BAZ1A: variants seen among roughly 807,000 people sequenced by gnomAD.
BAZ1A encodes the protein bromodomain adjacent to zinc finger domain protein 1A.
In BAZ1A, 50 loss-of-function variants were observed where a neutral mutation model predicts 185.2. That is an observed-to-expected ratio of 0.27 (90% CI 0.22 to 0.34). The LOEUF is 0.34. Among genes scored for constraint, BAZ1A ranks in the 10% least tolerant of loss-of-function variants. The probability of loss-of-function intolerance (pLI) is 1.00; values close to 1 mark genes in which losing one functional copy is unlikely to be tolerated. For synonymous variants in BAZ1A, 571 were observed against 615.6 expected, an observed-to-expected ratio of 0.93 and a Z score of 1.07; for missense variants, 1,356 against 1,839.9, an observed-to-expected ratio of 0.74 and a Z score of 4.81.
At chr14:34,817,230 A>ACCC (rs775899899) in intron 4 of BAZ1A, among the ~76,000 whole-genome samples, 2 of 147,600 alleles carry the variant, frequency 1.4e-5, no homozygotes, top group Non-Finnish European at 3.0e-5. Flanking sequence ...AAATCAATAC[A>ACCC]CCCCCCCCCA....
chr14:34,848,292 TG>T (rs2042545725), intron 3 of BAZ1A, among the ~76,000 whole-genome samples: 4 of 152,196 alleles, frequency 2.6e-5, no homozygotes, highest in African/African-American at 9.7e-5. Flanking sequence ...ATGCCTAAAT[TG>T]ATATCAGCTT....
At chr14:34,842,110 A>G (rs2042424031) in intron 3 of BAZ1A, among the ~76,000 whole-genome samples, 1 of 152,156 alleles carries the variant, frequency 6.6e-6, no homozygotes, top group Non-Finnish European at 1.5e-5. Context: ...CCCAATGCCT[A>G]CAACAGCAGC....
At chr14:34,844,777 G>GCGCACACACA (rs1429071176) in intron 3 of BAZ1A, among the ~76,000 whole-genome samples, 1 of 86,804 alleles carries the variant, frequency 1.2e-5, no homozygotes, top group Non-Finnish European at 2.9e-5. Flanking sequence ...ACACACACGC[G>GCGCACACACA]CACACACACA....
intron 25 of BAZ1A, among the ~76,000 whole-genome samples, chr14:34,757,629 C>T (rs945715568): frequency 2.6e-5 from 4 of 152,034 alleles, no homozygotes; most frequent in Non-Finnish European, 5.9e-5. Flanking sequence ...CACGCCACTG[C>T]ACTCCAGCCG....
chr14:34,793,652 C>CA (rs906145072), intron 11 of BAZ1A, among the ~76,000 whole-genome samples: 5 of 151,790 alleles, frequency 3.3e-5, no homozygotes, highest in South Asian at 2.1e-4. Flanking sequence ...ACTAAAAATA[C>CA]AAAAAAATTG....
chr14:34,845,360 T>C (rs2042493821), intron 3 of BAZ1A: 1 of 151,726 alleles, frequency 6.6e-6, no homozygotes, highest in African/African-American at 2.4e-5. Flanking sequence ...CTGTAACGCT[T>C]CTCTCCTTTA....
rs1362416165 is a variant in BAZ1A, at chr14:34,800,376, T to C, written c.976A>G (p.Lys326Glu). The stretch of plus-strand genomic sequence containing the variant: ...GCATCTGCTTTTTCTCTTTTTAATT[T>C]AGCCTTTTCAAAAGCTGTGAAGAAA... ...EMKSLAFEKA[K>E]LKREKADALE... The change falls in exon 9 of 27, where the codon AAA (lysine) becomes GAA (glutamate). Residue 326 changes from lysine (K) to glutamate (E), a missense_variant. By Grantham distance (56) the Lys-to-Glu change is moderately conservative. Around this residue, in one of 7 missense-constraint regions of BAZ1A, gnomAD observed 332 missense variants for 395.3 expected, o/e 0.84. Coordinates refer to ENST00000360310, the MANE Select transcript of BAZ1A (RefSeq NM_013448.3). 4.5e-6 allele frequency: 7 copies of C among 1,546,166 alleles called. No homozygotes were observed. The highest frequency in any genetic ancestry group is 6.1e-6 in the Non-Finnish European group (7 of 1,154,648).
chr14:34,784,740 G>C (rs959391890), intron 14 of BAZ1A, among the ~76,000 whole-genome samples: 2 of 151,804 alleles, frequency 1.3e-5, no homozygotes, highest in African/African-American at 4.8e-5. Context: ...GGGTGGTCTC[G>C]ATCTCCTGAC....
At chr14:34,837,440 T>C (rs2042348140) in intron 3 of BAZ1A, among the ~76,000 whole-genome samples, 1 of 151,048 alleles carries the variant, frequency 6.6e-6, no homozygotes, top group East Asian at 1.9e-4. Flanking sequence ...GTTTTTGCCA[T>C]GTTGCTTGGG....
Position 34,874,848 on chromosome 14 carries a change from T to G in BAZ1A, c.-58-186A>C. 2 of 402,368 alleles carry G rather than the reference T, an allele frequency of 5.0e-6. No homozygotes were observed. The allele number at this position is 402,368 out of a possible 1,614,324, so 24.9% of individuals were successfully genotyped here. A position where few individuals can be genotyped will look rare whatever the true frequency, so the allele number is the denominator to read the frequency against. On this transcript the variant is annotated intron_variant, in intron 1 of 26. Coordinates refer to ENST00000360310, the MANE Select transcript of BAZ1A (RefSeq NM_013448.3). This position sits in a 1 kb window ranked among gnomAD's most constrained non-coding sequence, Gnocchi z 4.7. ...GAGCGAGCGGAGCCGCCGCCGCCCC[T>G]GCCCCCCGAGCGCGCCCTACCTCCT... is the stretch of plus-strand genomic sequence containing the variant.
At chr14:34,825,047 C>G (rs2042145833) in intron 4 of BAZ1A, among the ~76,000 whole-genome samples, 1 of 152,310 alleles carries the variant, frequency 6.6e-6, no homozygotes, top group Middle Eastern at 3.4e-3. Context: ...TCTCCAACAG[C>G]ACCCAGCTGA....
intron 3 of BAZ1A, among the ~76,000 whole-genome samples, chr14:34,827,126 T>C (rs2042175613): frequency 6.6e-6 from 1 of 152,168 alleles, no homozygotes; most frequent in Non-Finnish European, 1.5e-5. Context: ...ATTGGTTCTG[T>C]CTCTCTGGAA....
rs375668563 is a variant in BAZ1A at position 34,801,905 on chromosome 14, CAAAA to C, written c.862-716_862-713del. 3.1e-4 allele frequency among the ~76,000 whole-genome samples: 35 copies of C among 113,176 alleles called. No individual in the cohort carries two copies. The East Asian group carries it at 6.2e-3, about 20-fold the overall frequency. The allele number at this position is 113,176 out of a possible 152,430, so 74.2% of individuals were successfully genotyped here. ...TGGGTGACAGAGTGAGACTCCATCT[CAAAA>C]AAAAAAAAAAAAGTGTTACTGAACT... On this transcript the variant is annotated intron_variant, in intron 7 of 26. Coordinates refer to ENST00000360310, the MANE Select transcript of BAZ1A (RefSeq NM_013448.3).
intron 10 of BAZ1A, 66 bp from the exon 11 acceptor site, chr14:34,794,953 G>T (rs1213771000): frequency 3.8e-6 from 6 of 1,571,792 alleles, no homozygotes; most frequent in South Asian, 1.2e-5. Context: ...AGGCAGAGAT[G>T]ACATACTTTT....
At chr14:34,828,749 T>C (rs34132964) in intron 3 of BAZ1A, 19,348 of 152,208 alleles carry the variant, frequency 0.13, 1,631 homozygotes, top group Middle Eastern at 0.19. Flanking sequence ...CTCTTCAATA[T>C]CCTGGAAAGT....
In BAZ1A at chr14:34,786,042, C is replaced by A. The variant is rs536875540; in HGVS notation, c.1607-41G>T. 6 of 1,593,068 alleles carry A rather than the reference C, an allele frequency of 3.8e-6. No individual in the cohort carries two copies. In the South Asian group the frequency reaches 5.7e-5, roughly 15 times the overall value. On this transcript the variant is annotated intron_variant, in intron 13 of 26. Transcript: ENST00000360310. The stretch of plus-strand genomic sequence containing the variant: ...ATGAAATAGTCATTTAGAATATAAA[C>A]AATAAATACTCAGCAATGTAAATGT...
intron 9 of BAZ1A, among the ~76,000 whole-genome samples, chr14:34,796,388 AAT>A (rs1375567787): frequency 2.0e-5 from 3 of 152,162 alleles, no homozygotes; most frequent in Non-Finnish European, 4.4e-5. Flanking sequence ...ACTTCCTATC[AAT>A]AAGATCCTAG....
intron 5 of BAZ1A, 131 bp from the exon 6 acceptor site, chr14:34,807,669 T>C: frequency 1.8e-6 from 1 of 558,546 alleles, no homozygotes; most frequent in South Asian, 3.1e-5. Context: ...CTTCATCTTC[T>C]AACAGTATTT....
chr14:34,871,238 T>A (rs182219646), intron 2 of BAZ1A, among the ~76,000 whole-genome samples: 9 of 152,358 alleles, frequency 5.9e-5, no homozygotes, highest in Admixed American at 2.6e-4. Context: ...TTTTTATTTT[T>A]GTAGAAACAA....
Sources: gnomAD v4.1 joint callset for allele counts (sites outside exome capture counted in the v4.1 genomes callset) on GRCh38, gnomAD v4.1.1 for gene constraint, gnomAD v4.1.1 regional missense constraint, Gnocchi (gnomAD v3.1) non-coding constraint, MANE v1.5 for transcripts, NCBI Gene and HGNC (gene_info 2026-07-23, HGNC 2026-07-21) for gene names.